The following PIEZO2 variants were observed in gnomAD, a reference collection of about 807,000 sequenced individuals.
The protein encoded by PIEZO2 is piezo-type mechanosensitive ion channel component 2.
A neutral mutation model predicts 337.3 loss-of-function variants in PIEZO2; 172 were observed. The ratio of observed to expected loss-of-function variants is 0.51; its 90% confidence interval spans 0.45 to 0.58. PIEZO2 has a LOEUF of 0.58. PIEZO2 is among the 20% of genes least tolerant of loss of function. PIEZO2 has a pLI of 0.00. For missense variants in PIEZO2, 3,028 were observed against 3,391.3 expected, an observed-to-expected ratio of 0.89 and a Z score of 2.66; for synonymous variants, 1,251 against 1,228.5, an observed-to-expected ratio of 1.02 and a Z score of -0.38.
chr18:11,008,314 G>A (rs2145641680), intron 2 of PIEZO2, among the ~76,000 whole-genome samples: 1 of 152,280 alleles, frequency 6.6e-6, no homozygotes, highest in Non-Finnish European at 1.5e-5. Context: ...ATTGAAAATA[G>A]GCCCATGACA....
intron 49 of PIEZO2, among the ~76,000 whole-genome samples, chr18:10,683,699 TTTCA>T (rs2034380722): frequency 6.6e-6 from 1 of 152,228 alleles, no homozygotes; most frequent in Non-Finnish European, 1.5e-5. Flanking sequence ...AGATTTGCTC[TTTCA>T]TTATTTTCTC....
intron 3 of PIEZO2, among the ~76,000 whole-genome samples, chr18:10,955,106 C>T (rs1156752586): frequency 5.3e-5 from 8 of 152,106 alleles, no homozygotes; most frequent in East Asian, 1.9e-4. Context: ...ATGTGGGGGT[C>T]GCTTTACTTG....
rs2042109646 is a variant in PIEZO2, at chr18:10,870,321, G to T, written c.492+932C>A. On this transcript the variant is annotated intron_variant, in intron 5 of 55. Coordinates refer to ENST00000674853, the MANE Select transcript of PIEZO2 (RefSeq NM_001378183.1). The surrounding 1 kb of genome is among the most constrained non-coding windows in gnomAD (Gnocchi z 5.3). ...AAGTGAGAATTTTCCTCCCTCAATG[G>T]CTCATCGGTTAACATTCTCAATATA... Among the ~76,000 whole-genome samples the T allele has an allele frequency of 6.6e-6, 1 of 152,038 alleles. No homozygotes were observed. The highest frequency in any genetic ancestry group is 2.4e-5 in the African/African-American group (1 of 41,380).
chr18:10,702,270 G>C, intron 42 of PIEZO2, 99 bp from the exon 43 acceptor site: 4 of 1,154,426 alleles, frequency 3.5e-6, no homozygotes, highest in Non-Finnish European at 4.8e-6. Context: ...AAAGAGACCC[G>C]CATTTCACAG....
At position 10,830,687 on chromosome 18, in the gene PIEZO2, A is replaced by G. The variant is rs948400351; in HGVS notation, c.918-23413T>C. Reference sequence around the variant, plus strand: ...AGCAAAAATGAGCAAATGGAATCACATCAGATTGAAACGCTTCTGAACGGC... The same window carrying G: ...AGCAAAAATGAGCAAATGGAATCACGTCAGATTGAAACGCTTCTGAACGGC... On this transcript the variant is annotated intron_variant, in intron 7 of 55. Transcript: ENST00000674853. The surrounding 1 kb of genome is among the most constrained non-coding windows in gnomAD (Gnocchi z 4.7). Among the ~76,000 whole-genome samples, 1 of 152,224 alleles carries G rather than the reference A, an allele frequency of 6.6e-6. No homozygotes were observed. Among genetic ancestry groups the G allele is most frequent in the African/African-American group, 2.4e-5 (1 of 41,468 alleles).
At chr18:11,018,230 TG>T (rs2036189649) in intron 2 of PIEZO2, among the ~76,000 whole-genome samples, 1 of 151,286 alleles carries the variant, frequency 6.6e-6, no homozygotes, top group Non-Finnish European at 1.5e-5. Context: ...GGTGTGTGTG[TG>T]TGTGTGTGTG....
At position 10,677,494 on chromosome 18, in the gene PIEZO2, A is replaced by G; in HGVS notation, c.8081+253T>C. On this transcript the variant is annotated intron_variant, in intron 53 of 55. Coordinates refer to ENST00000674853, the MANE Select transcript of PIEZO2 (RefSeq NM_001378183.1). The surrounding 1 kb of genome is among the most constrained non-coding windows in gnomAD (Gnocchi z 4.1). Reference sequence around the variant, plus strand: ...CAGCCTCCCAACATGCTGGGATTACAGGCATGAGCCACCATGCCTGGCCCA... The same window carrying G: ...CAGCCTCCCAACATGCTGGGATTACGGGCATGAGCCACCATGCCTGGCCCA... 1 of 363,102 alleles carries G rather than the reference A, an allele frequency of 2.8e-6. No homozygotes were observed. Among genetic ancestry groups the G allele is most frequent in the Non-Finnish European group, 5.0e-6 (1 of 200,854 alleles). 22.5% of individuals were successfully genotyped at this position (363,102 alleles called of 1,614,324 possible). A position where few individuals can be genotyped will look rare whatever the true frequency, so the allele number is the denominator to read the frequency against.
intron 4 of PIEZO2, among the ~76,000 whole-genome samples, chr18:10,876,831 C>A (rs960621959): frequency 3.3e-5 from 5 of 152,172 alleles, no homozygotes; most frequent in Non-Finnish European, 5.9e-5. Context: ...ATGCAACAGG[C>A]CTCCTCAACC....
intron 47 of PIEZO2, among the ~76,000 whole-genome samples, chr18:10,694,299 T>A (rs2034989294): frequency 6.6e-6 from 1 of 152,208 alleles, no homozygotes. Flanking sequence ...CTGGCTACTG[T>A]TAGAAGCAAT....
rs2037506749 is a variant in PIEZO2 at position 10,748,303 on chromosome 18, A to G, written c.4424+168T>C. Among the ~76,000 whole-genome samples, 2 of 152,140 alleles carry G rather than the reference A, an allele frequency of 1.3e-5. No individual in the cohort carries two copies. The highest frequency in any genetic ancestry group is 2.1e-4 in the South Asian group (1 of 4,816). On this transcript the variant is annotated intron_variant, in intron 30 of 55. Coordinates refer to ENST00000674853, the MANE Select transcript of PIEZO2 (RefSeq NM_001378183.1). The surrounding 1 kb of genome is among the most constrained non-coding windows in gnomAD (Gnocchi z 5.1). ...TGGTTACATAGGCTTTCCTGTTACT[A>G]TTCTATTTTACAGGCCTTGTGCTAA...
intron 2 of PIEZO2, among the ~76,000 whole-genome samples, chr18:11,007,078 G>C (rs141535657): frequency 6.6e-6 from 1 of 152,048 alleles, no homozygotes; most frequent in African/African-American, 2.4e-5. Context: ...ATAAATTATT[G>C]TTAACTATAG....
intron 4 of PIEZO2, among the ~76,000 whole-genome samples, chr18:10,874,276 A>G (rs2042212850): frequency 6.6e-6 from 1 of 152,032 alleles, no homozygotes; most frequent in South Asian, 2.1e-4. Context: ...TTATCCTCTC[A>G]CCCTAGTTAG....
intron 18 of PIEZO2, among the ~76,000 whole-genome samples, chr18:10,779,154 A>C (rs1368062410): frequency 6.6e-6 from 1 of 152,144 alleles, no homozygotes; most frequent in South Asian, 2.1e-4. Flanking sequence ...TCAGCAATCC[A>C]CAAGTGACTC....
intron 1 of PIEZO2, among the ~76,000 whole-genome samples, chr18:11,071,761 A>G (rs2038346016): frequency 6.6e-6 from 1 of 151,936 alleles, no homozygotes; most frequent in Non-Finnish European, 1.5e-5. Flanking sequence ...AACTCACAGA[A>G]GACAGCCCCA....
rs71169941 is a variant in PIEZO2, at chr18:10,684,155, C to CTTTTTTTTT, written c.7498-1872_7498-1864dup. Among the ~76,000 whole-genome samples, 13 of 61,396 alleles carry CTTTTTTTTT rather than the reference C, an allele frequency of 2.1e-4. 1 individual carries two copies. Among genetic ancestry groups the CTTTTTTTTT allele is most frequent in the African/African-American group, 7.9e-4 (12 of 15,234 alleles). The allele number at this position is 61,396 out of a possible 152,430, so 40.3% of individuals were successfully genotyped here. A position where few individuals can be genotyped will look rare whatever the true frequency, so the allele number is the denominator to read the frequency against. On this transcript the variant is annotated intron_variant, in intron 49 of 55. Coordinates refer to ENST00000674853, the MANE Select transcript of PIEZO2 (RefSeq NM_001378183.1). ...CTCTCTTTCTTTCTCTGTCTTTCCT[C>CTTTTTTTTT]TTTTTTTTTTTTTTTTTTTTTTTTT...
At chr18:10,779,542 G>A (rs1016628319) in intron 18 of PIEZO2, among the ~76,000 whole-genome samples, 1 of 152,318 alleles carries the variant, frequency 6.6e-6, no homozygotes, top group African/African-American at 2.4e-5. Context: ...CTGAAGGAAA[G>A]TCCATATCTC....
In PIEZO2 at chr18:10,682,037, GA is replaced by G. The variant is rs1567942524; in HGVS notation, c.7686+66del. On this transcript the variant is annotated intron_variant, in intron 50 of 55. Transcript: ENST00000674853. This position sits in a 1 kb window ranked among gnomAD's most constrained non-coding sequence, Gnocchi z 5.6. ...GCAGCCCATGACTAAACACCCTACAGACAGCTATCATAAAGGAATGTGGCGT... is the reference window on the plus strand; with the variant it reads ...GCAGCCCATGACTAAACACCCTACAGCAGCTATCATAAAGGAATGTGGCGT... The G allele has an allele frequency of 7.0e-7, 1 of 1,424,824 alleles. No homozygotes were observed. The highest frequency in any genetic ancestry group is 1.4e-5 in the African/African-American group (1 of 70,152). 88.3% of individuals were successfully genotyped at this position (1,424,824 alleles called of 1,614,324 possible).
rs1434350200 is a variant in PIEZO2 at position 11,148,497 on chromosome 18, G to A, written c.64+28C>T. 4 of 1,536,608 alleles carry A rather than the reference G, an allele frequency of 2.6e-6. No individual in the cohort carries two copies. The highest frequency in any genetic ancestry group is 3.5e-6 in the Non-Finnish European group (4 of 1,146,492). The stretch of plus-strand genomic sequence containing the variant: ...CAGGCGCCCCCCTCGTCCTCCTCAA[G>A]TGCCCTCGGAAAGCGGACCAGACTC... On this transcript the variant is annotated intron_variant, in intron 1 of 55. Transcript: ENST00000674853. This position sits in a 1 kb window ranked among gnomAD's most constrained non-coding sequence, Gnocchi z 5.2.
At chr18:10,963,242 G>A (rs944376278) in intron 3 of PIEZO2, among the ~76,000 whole-genome samples, 20 of 151,716 alleles carry the variant, frequency 1.3e-4, no homozygotes, top group African/African-American at 4.8e-4. Flanking sequence ...CTGAGACTGC[G>A]CCACTGCACT....
Sources: allele counts gnomAD v4.1 joint callset (sites outside exome capture counted in the v4.1 genomes callset), GRCh38; gene constraint gnomAD v4.1.1; non-coding constraint Gnocchi (gnomAD v3.1); transcripts MANE v1.5; gene names NCBI Gene and HGNC (gene_info 2026-07-23, HGNC 2026-07-21).